Variants in CPO observed in about 807,000 individuals in gnomAD.
CPO encodes the protein metallocarboxypeptidase C.
A neutral mutation model predicts 41.2 loss-of-function variants in CPO; 43 were observed. The observed-to-expected ratio is 1.04, with a 90% CI of 0.82 to 1.35. The LOEUF (loss-of-function observed/expected upper bound fraction) is 1.35, where lower values mean the gene tolerates loss of function less well. CPO is among the 40% of genes most tolerant of loss of function. The pLI is 0.00. For missense variants in CPO, 408 were observed against 451.7 expected (o/e 0.90, Z 0.88); for synonymous variants, 178 against 162.7 (o/e 1.09, Z -0.72).
At chr2:206,942,848 G>A (rs973108380) in intron 1 of CPO, among the ~76,000 whole-genome samples, 4 of 152,096 alleles carry the variant, frequency 2.6e-5, no homozygotes, top group African/African-American at 9.7e-5. Context: ...CAAAGTATTC[G>A]AGTTTCTGAG....
chr2:206,946,447 AG>A (rs1447316852), intron 1 of CPO, among the ~76,000 whole-genome samples: 1 of 152,172 alleles, frequency 6.6e-6, no homozygotes, highest in Non-Finnish European at 1.5e-5. Context: ...GTGATTAAAA[AG>A]GTAGTAGGGA....
chr2:206,939,754 C>G (rs1233349541), intron 1 of CPO, 87 bp downstream of exon 1: 1 of 1,056,652 alleles, frequency 9.5e-7, no homozygotes, highest in Non-Finnish European at 1.4e-6. Context: ...ATGCAGCTGG[C>G]TTCTCCTTCC....
rs199923007 is a variant in CPO at position 206,939,558 on chromosome 2, T to C, written c.-42T>C. 6.5e-7 allele frequency: 1 copy of C among 1,544,008 alleles called. No homozygotes were observed. Among genetic ancestry groups the C allele is most frequent in the African/African-American group, 1.4e-5 (1 of 73,406 alleles). ...TCATTCTCAAGGACACTTGATCCAC[T>C]GCCAGAGAGGCCCAGAATTTTCTAA... On this transcript the variant is annotated 5_prime_UTR_variant, in exon 1 of 9. Coordinates refer to ENST00000272852, the MANE Select transcript of CPO (RefSeq NM_173077.3).
chr2:206,941,469 A>T (rs903020627), intron 1 of CPO, among the ~76,000 whole-genome samples: 1 of 152,018 alleles, frequency 6.6e-6, no homozygotes, highest in Non-Finnish European at 1.5e-5. Context: ...CTCAACTATT[A>T]TTCATTTTGC....
At position 206,939,552 on chromosome 2, in the gene CPO, A is replaced by G. The variant is rs111449068; in HGVS notation, c.-48A>G. 6.8e-6 allele frequency: 10 copies of G among 1,466,464 alleles called. No individual in the cohort carries two copies. In the African/African-American group the frequency reaches 1.1e-4, roughly 16 times the overall value. The allele number at this position is 1,466,464 out of a possible 1,614,324, so 90.8% of individuals were successfully genotyped here. A position where few individuals can be genotyped will look rare whatever the true frequency, so the allele number is the denominator to read the frequency against. The stretch of plus-strand genomic sequence containing the variant: ...ATGCATTCATTCTCAAGGACACTTG[A>G]TCCACTGCCAGAGAGGCCCAGAATT... On this transcript the variant is annotated 5_prime_UTR_variant, in exon 1 of 9. Coordinates refer to ENST00000272852, the MANE Select transcript of CPO (RefSeq NM_173077.3).
intron 7 of CPO, among the ~76,000 whole-genome samples, chr2:206,963,197 C>T (rs1693512840): frequency 6.6e-6 from 1 of 152,198 alleles, no homozygotes; most frequent in South Asian, 2.1e-4. Flanking sequence ...TGTGTTTACC[C>T]AAGCACTGTT....
At chr2:206,943,163 C>G (rs1375285768) in intron 1 of CPO, among the ~76,000 whole-genome samples, 1 of 152,158 alleles carries the variant, frequency 6.6e-6, no homozygotes, top group Admixed American at 6.6e-5. Context: ...TAGTGTACTC[C>G]CTTTCCTAGA....
rs1295913643 is a variant in CPO, at chr2:206,959,649, G to T, written c.391G>T (p.Asp131Tyr). Residue 131 changes from aspartate to tyrosine, a missense_variant, in exon 5 of 9, where the codon GAC becomes TAC. Transcript: ENST00000272852. Reference protein sequence around the residue: ...FVKEILQNHKDNSSIRKLLRN... With the variant: ...FVKEILQNHKYNSSIRKLLRN... ...TTTCCAGATTCTACAAAACCATAAAGACAACTCAAGTATACGCAAGCTCCT... is the reference window on the plus strand; with the variant it reads ...TTTCCAGATTCTACAAAACCATAAATACAACTCAAGTATACGCAAGCTCCT... 1 of 1,477,046 alleles carries T rather than the reference G, an allele frequency of 6.8e-7. No homozygotes were observed. The highest frequency in any genetic ancestry group is 2.3e-5 in the East Asian group (1 of 44,306). The allele number at this position is 1,477,046 out of a possible 1,614,324, so 91.5% of individuals were successfully genotyped here. A position where few individuals can be genotyped will look rare whatever the true frequency, so the allele number is the denominator to read the frequency against.
intron 1 of CPO, among the ~76,000 whole-genome samples, chr2:206,943,462 A>AT (rs1381609233): frequency 6.6e-6 from 1 of 152,038 alleles, no homozygotes; most frequent in Non-Finnish European, 1.5e-5. Context: ...TATAATACTT[A>AT]TTTTTATTCT....
chr2:206,958,512 CTT>C (rs1693416008), intron 4 of CPO, 107 bp downstream of exon 4: 1 of 610,608 alleles, frequency 1.6e-6, no homozygotes. Context: ...TGATGCAACT[CTT>C]TACTGTGCTA....
At position 206,948,199 on chromosome 2, in the gene CPO, G is replaced by A. The variant is rs191210651; in HGVS notation, c.69-1418G>A. On this transcript the variant is annotated intron_variant, in intron 1 of 8. Coordinates refer to ENST00000272852, the MANE Select transcript of CPO (RefSeq NM_173077.3). ...GGGTGTTCTTCAGTAGATGAGTAAGGGTAAATAAACTGTGGTATATCCAGA... is the reference window on the plus strand; with the variant it reads ...GGGTGTTCTTCAGTAGATGAGTAAGAGTAAATAAACTGTGGTATATCCAGA... Among the ~76,000 whole-genome samples the A allele has an allele frequency of 2.0e-5, 3 of 152,146 alleles. No homozygotes were observed. The East Asian group carries it at 5.8e-4, about 29-fold the overall frequency.
intron 3 of CPO, among the ~76,000 whole-genome samples, chr2:206,957,419 G>A (rs905174029): frequency 6.6e-6 from 1 of 151,928 alleles, no homozygotes; most frequent in Non-Finnish European, 1.5e-5. Flanking sequence ...GGTGGATTAG[G>A]AATTGTCCTG....
chr2:206,962,240 G>T (rs1238690458), intron 6 of CPO, among the ~76,000 whole-genome samples, 172 bp from the exon 7 acceptor site: 3 of 151,982 alleles, frequency 2.0e-5, no homozygotes, highest in Non-Finnish European at 4.4e-5. Context: ...TTCTAGAATG[G>T]TTATCCTTCA....
intron 5 of CPO, among the ~76,000 whole-genome samples, chr2:206,960,280 C>A (rs1693455071): frequency 6.6e-6 from 1 of 152,202 alleles, no homozygotes; most frequent in Non-Finnish European, 1.5e-5. Context: ...TGCATTGCCT[C>A]CCCTTTTCCA....
chr2:206,952,872 G>A (rs1359006364), intron 2 of CPO, among the ~76,000 whole-genome samples: 1 of 152,184 alleles, frequency 6.6e-6, no homozygotes, highest in Non-Finnish European at 1.5e-5. Context: ...TCAAAATCAT[G>A]GTGGAATGTG....
At position 206,950,824 on chromosome 2, in the gene CPO, G is replaced by C. The variant is rs571839275; in HGVS notation, c.165+1111G>C. ...ATCATTCTAAGCATGCTATCACAAG[G>C]ACAGAAAACCAAACGCTGCATGTTC... On this transcript the variant is annotated intron_variant, in intron 2 of 8. Transcript: ENST00000272852. Among the ~76,000 whole-genome samples, 3 of 151,154 alleles carry C rather than the reference G, an allele frequency of 2.0e-5. 1 individual carries two copies. The highest frequency in any genetic ancestry group is 7.3e-5 in the African/African-American group (3 of 41,190).
chr2:206,961,560 G>A (rs1693478434), intron 6 of CPO, among the ~76,000 whole-genome samples: 1 of 152,160 alleles, frequency 6.6e-6, no homozygotes, highest in African/African-American at 2.4e-5. Flanking sequence ...TAAATGGGAT[G>A]CTACATGGGA....
intron 1 of CPO, 53 bp from the exon 2 acceptor site, chr2:206,949,564 C>T (rs1693210741): frequency 1.5e-6 from 2 of 1,330,498 alleles, no homozygotes; most frequent in Non-Finnish European, 2.2e-6. Flanking sequence ...CGCCAACCCT[C>T]AGGATATCCC....
Position 206,962,616 on chromosome 2 carries a change from T to C in CPO, c.777+2T>C, listed in dbSNP as rs1416458062. On this transcript the variant is annotated splice_donor_variant, in intron 7 of 8. Transcript: ENST00000272852. LOFTEE classifies it high-confidence loss of function. Reference sequence around the variant, plus strand: ...AAATCAAGTAACCACCCAGAAATGGTGAGTCCATAGCACCAAGGCCTCCAG... The same window carrying C: ...AAATCAAGTAACCACCCAGAAATGGCGAGTCCATAGCACCAAGGCCTCCAG... 6.2e-7 allele frequency: 1 copy of C among 1,613,070 alleles called. No individual in the cohort carries two copies. Among genetic ancestry groups the C allele is most frequent in the Non-Finnish European group, 8.5e-7 (1 of 1,179,046 alleles).
Sources: allele counts gnomAD v4.1 joint callset (sites outside exome capture counted in the v4.1 genomes callset), GRCh38; gene constraint gnomAD v4.1.1; transcripts MANE v1.5; gene names NCBI Gene and HGNC (gene_info 2026-07-23, HGNC 2026-07-21).